OSBPL10: variants seen among roughly 807,000 people sequenced by gnomAD.
The protein encoded by OSBPL10 is oxysterol binding protein like 10, also known as oxysterol-binding protein-related protein 10.
A neutral mutation model predicts 81.7 loss-of-function variants in OSBPL10; 49 were observed. The observed-to-expected ratio is 0.60, with a 90% CI of 0.48 to 0.76. The LOEUF is 0.76. Among genes scored for constraint, OSBPL10 ranks in the 30% least tolerant of loss-of-function variants. The pLI is 0.00. For synonymous variants in OSBPL10, 419 were observed against 383.6 expected (o/e 1.09, Z -1.08); for missense variants, 923 against 987.8 (o/e 0.93, Z 0.88).
chr3:31,721,057 T>C (rs1454188494), intron 6 of OSBPL10, among the ~76,000 whole-genome samples: 1 of 151,968 alleles, frequency 6.6e-6, no homozygotes, highest in Non-Finnish European at 1.5e-5. Flanking sequence ...ACAAGGGCCC[T>C]TAAGAGTGGA....
intron 2 of OSBPL10, among the ~76,000 whole-genome samples, chr3:31,997,163 G>T (rs1329835837): frequency 6.6e-6 from 1 of 152,080 alleles, no homozygotes; most frequent in Non-Finnish European, 1.5e-5. Flanking sequence ...AAGCATGCCC[G>T]ATTTATGTGC....
intron 3 of OSBPL10, among the ~76,000 whole-genome samples, chr3:31,833,429 A>G (rs1167578018): frequency 6.6e-6 from 1 of 152,206 alleles, no homozygotes; most frequent in Non-Finnish European, 1.5e-5. Context: ...TTTAAATTAG[A>G]TTATGCATAT....
intron 7 of OSBPL10, among the ~76,000 whole-genome samples, chr3:31,698,692 C>T (rs1158124079): frequency 2.0e-5 from 3 of 152,060 alleles, no homozygotes; most frequent in Admixed American, 6.5e-5. Flanking sequence ...GGGCCTTTTT[C>T]ACCCCCATCC....
intron 1 of OSBPL10, among the ~76,000 whole-genome samples, chr3:32,053,498 C>T (rs1193061176): frequency 1.3e-5 from 2 of 152,136 alleles, no homozygotes; most frequent in African/African-American, 2.4e-5. Context: ...CTAATCTGCT[C>T]TTTTACAAAA....
chr3:31,696,631 C>A (rs767629818), intron 7 of OSBPL10, among the ~76,000 whole-genome samples: 2 of 152,260 alleles, frequency 1.3e-5, no homozygotes, highest in Non-Finnish European at 2.9e-5. Flanking sequence ...TATCTTACTT[C>A]ACTGGCTGAA....
rs1347436923 is a variant in OSBPL10 at position 32,040,245 on chromosome 3, A to G, written n.298+6246T>C. 3.9e-5 allele frequency among the ~76,000 whole-genome samples: 6 copies of G among 152,026 alleles called. No homozygotes were observed. In the East Asian group the frequency reaches 1.2e-3, roughly 29 times the overall value. On this transcript the variant is annotated intron_variant and non_coding_transcript_variant, in intron 2 of 3. Coordinates refer to the OSBPL10 transcript ENST00000479173. ...AACATGGTGAACCCCTGTCTCTACTAAAAATACAAAAAATGGCTGGGTGTG... is the reference window on the plus strand; with the variant it reads ...AACATGGTGAACCCCTGTCTCTACTGAAAATACAAAAAATGGCTGGGTGTG...
At chr3:31,913,642 T>C (rs1391758296) in intron 1 of OSBPL10, among the ~76,000 whole-genome samples, 1 of 152,238 alleles carries the variant, frequency 6.6e-6, no homozygotes, top group African/African-American at 2.4e-5. Flanking sequence ...CTTAGACTAC[T>C]GTAGACCACA....
In OSBPL10 at chr3:31,849,856, A is replaced by T. The variant is rs1047299610; in HGVS notation, c.538-19625T>A. On this transcript the variant is annotated intron_variant, in intron 3 of 11. Coordinates refer to ENST00000396556, the MANE Select transcript of OSBPL10 (RefSeq NM_017784.5). The stretch of plus-strand genomic sequence containing the variant: ...AGTTCGAGACCAGCCTGGGCAACAT[A>T]GTGAGTCTCCTTCTCTACAAAAATT... Among the ~76,000 whole-genome samples, 6 of 152,260 alleles carry T rather than the reference A, an allele frequency of 3.9e-5. No individual in the cohort carries two copies. In the East Asian group the frequency reaches 9.7e-4, roughly 25 times the overall value.
intron 4 of OSBPL10, among the ~76,000 whole-genome samples, chr3:31,781,212 T>C (rs1354073592): frequency 2.0e-5 from 3 of 151,984 alleles, no homozygotes; most frequent in African/African-American, 4.8e-5. Context: ...AAAACAAAAA[T>C]CACAAAATCA....
intron 4 of OSBPL10, among the ~76,000 whole-genome samples, chr3:31,802,961 T>C (rs1699422154): frequency 7.7e-6 from 1 of 129,598 alleles, no homozygotes; most frequent in Non-Finnish European, 1.6e-5. Flanking sequence ...GACAATGGTA[T>C]TGGGTCCTTT....
At chr3:31,702,773 G>A (rs1436064390) in intron 6 of OSBPL10, among the ~76,000 whole-genome samples, 2 of 152,138 alleles carry the variant, frequency 1.3e-5, no homozygotes, top group African/African-American at 4.8e-5. Context: ...ACAGCTCCCT[G>A]TTCTTTAAGA....
intron 1 of OSBPL10, among the ~76,000 whole-genome samples, chr3:31,916,331 T>TA (rs1225688033): frequency 1.3e-5 from 2 of 152,204 alleles, no homozygotes; most frequent in Non-Finnish European, 2.9e-5. Context: ...TCCCCAATTC[T>TA]AAAGTCACGT....
At chr3:31,816,679 C>T (rs1458679966) in intron 4 of OSBPL10, among the ~76,000 whole-genome samples, 2 of 152,160 alleles carry the variant, frequency 1.3e-5, no homozygotes, top group African/African-American at 4.8e-5. Context: ...TGAGTTCTCA[C>T]CTGCATCCAG....
intron 4 of OSBPL10, among the ~76,000 whole-genome samples, chr3:31,760,746 A>T (rs1194643477): frequency 2.0e-5 from 3 of 152,216 alleles, no homozygotes; most frequent in Non-Finnish European, 2.9e-5. Flanking sequence ...TTAATTCAAC[A>T]TACCATGTCA....
chr3:31,661,208 C>G lies in OSBPL10; in HGVS notation c.*864G>C, dbSNP rs1488696507. 6.6e-6 allele frequency: 1 copy of G among 152,536 alleles called. No homozygotes were observed. The highest frequency in any genetic ancestry group is 2.4e-5 in the African/African-American group (1 of 41,390). 9.4% of individuals were successfully genotyped at this position (152,536 alleles called of 1,614,324 possible). A position where few individuals can be genotyped will look rare whatever the true frequency, so the allele number is the denominator to read the frequency against. ...CACAGGAAATTCTCTTCTCTTTCCC[C>G]AAACTAAATACAAGATTGAGGCTGT... On this transcript the variant is annotated 3_prime_UTR_variant, in exon 12 of 12. Transcript: ENST00000396556.
At chr3:31,731,951 T>A (rs1244825538) in intron 6 of OSBPL10, among the ~76,000 whole-genome samples, 1 of 152,028 alleles carries the variant, frequency 6.6e-6, no homozygotes, top group South Asian at 2.1e-4. Flanking sequence ...GAAGAAACAC[T>A]AAGGAGGATT....
At chr3:31,707,282 C>T (rs1369502464) in intron 6 of OSBPL10, 1 of 152,176 alleles carries the variant, frequency 6.6e-6, no homozygotes, top group East Asian at 1.9e-4. Flanking sequence ...CTAAAGCCAT[C>T]TTATGCCCAA....
intron 4 of OSBPL10, among the ~76,000 whole-genome samples, chr3:31,790,219 G>A (rs1698975887): frequency 6.6e-6 from 1 of 152,154 alleles, no homozygotes; most frequent in African/African-American, 2.4e-5. Context: ...TGTCTGCTTA[G>A]CAAGTTGGCA....
chr3:31,878,487 G>A (rs1370582283), intron 2 of OSBPL10, among the ~76,000 whole-genome samples: 4 of 152,124 alleles, frequency 2.6e-5, no homozygotes, highest in African/African-American at 9.7e-5. Context: ...TTTTACTTCC[G>A]AGGTTTTTGG....
Sources: gnomAD v4.1 joint callset for allele counts (sites outside exome capture counted in the v4.1 genomes callset) on GRCh38, gnomAD v4.1.1 for gene constraint, MANE v1.5 for transcripts, NCBI Gene and HGNC (gene_info 2026-07-23, HGNC 2026-07-21) for gene names.